The following TPTE2 variants were observed in gnomAD, a reference collection of about 807,000 sequenced individuals.
The protein encoded by TPTE2 is phosphatidylinositol 3,4,5-trisphosphate 3-phosphatase TPTE2.
A neutral mutation model predicts 78.6 loss-of-function variants in TPTE2; 53 were observed. The observed-to-expected ratio is 0.67, with a 90% CI of 0.54 to 0.85. TPTE2 has a LOEUF of 0.85. TPTE2 is among the 40% of genes least tolerant of loss of function. The probability of loss-of-function intolerance (pLI) is 0.00; values close to 1 mark genes in which losing one functional copy is unlikely to be tolerated. For synonymous variants in TPTE2, 175 were observed against 206.2 expected, an observed-to-expected ratio of 0.85 and a Z score of 1.30; for missense variants, 461 against 623.0, an observed-to-expected ratio of 0.74 and a Z score of 2.77.
intron 6 of TPTE2, among the ~76,000 whole-genome samples, chr13:19,471,324 T>C (rs1879602065): frequency 6.6e-6 from 1 of 152,210 alleles, no homozygotes; most frequent in Non-Finnish European, 1.5e-5. Context: ...TTGTTATTTG[T>C]TTTCTGGTTG....
intron 11 of TPTE2, 70 bp downstream of exon 14, chr13:19,451,094 CA>C (rs1424320785): frequency 2.6e-6 from 4 of 1,564,106 alleles, no homozygotes; most frequent in South Asian, 1.2e-5. Context: ...ATCTAAAAAG[CA>C]AAATCATCTT....
At chr13:19,498,532 C>G (rs898372464) in intron 1 of TPTE2, among the ~76,000 whole-genome samples, 2 of 151,828 alleles carry the variant, frequency 1.3e-5, no homozygotes, top group African/African-American at 2.4e-5. Flanking sequence ...CCCAGAATTT[C>G]ATATCCAGCC....
At chr13:19,478,728 C>T (rs923919542) in intron 4 of TPTE2, among the ~76,000 whole-genome samples, 2 of 152,052 alleles carry the variant, frequency 1.3e-5, no homozygotes, top group Non-Finnish European at 2.9e-5. Context: ...TATTGTGGCA[C>T]TATTCACAAT....
chr13:19,462,917 T>C (rs1879024523), intron 10 of TPTE2, among the ~76,000 whole-genome samples: 1 of 152,000 alleles, frequency 6.6e-6, no homozygotes, highest in Non-Finnish European at 1.5e-5. Flanking sequence ...GGGTTGAATC[T>C]ATTTGAGAAC....
At chr13:19,451,713 CAT>C (rs1484650024) in intron 10 of TPTE2, among the ~76,000 whole-genome samples, 3 of 151,684 alleles carry the variant, frequency 2.0e-5, no homozygotes, top group Admixed American at 6.6e-5. Context: ...AAAAGATAAA[CAT>C]ATCAAATTTT....
chr13:19,432,537 G>A (rs1291563657), exon 16 of TPTE2: 7 of 1,606,434 alleles, frequency 4.4e-6, no homozygotes, highest in Non-Finnish European at 5.9e-6. Flanking sequence ...GATTCCAGTT[G>A]TAGAGATGTT....
upstream of TPTE2, among the ~76,000 whole-genome samples, chr13:19,504,030 A>G (rs906026992): frequency 1.1e-4 from 17 of 151,944 alleles, no homozygotes; most frequent in African/African-American, 4.1e-4. Flanking sequence ...ATGAGCCACC[A>G]CGCCCGGCCT....
intron 3 of TPTE2, among the ~76,000 whole-genome samples, chr13:19,487,585 G>C: frequency 6.6e-6 from 1 of 152,104 alleles, no homozygotes; most frequent in Admixed American, 6.5e-5. Context: ...CTGGAAGTGT[G>C]GTGGTGGGGG....
intron 3 of TPTE2, among the ~76,000 whole-genome samples, 152 bp from the exon 7 acceptor site, chr13:19,482,699 A>C (rs914480755): frequency 6.6e-6 from 1 of 152,066 alleles, no homozygotes; most frequent in Admixed American, 6.6e-5. Flanking sequence ...ATATTTAAGA[A>C]AGAAAATTAC....
chr13:19,458,725 TTC>T (rs1446313832), intron 10 of TPTE2: 2 of 456,502 alleles, frequency 4.4e-6, no homozygotes, highest in Non-Finnish European at 8.8e-6. Context: ...CCATATTTAA[TTC>T]TCTCTTTCAT....
chr13:19,523,310 A>G (rs1870285419), intron 1 of TPTE2, among the ~76,000 whole-genome samples: 1 of 152,174 alleles, frequency 6.6e-6, no homozygotes, highest in South Asian at 2.1e-4. Context: ...TTCAGCTTAC[A>G]TTCTTGAATA....
At chr13:19,492,317 G>T (rs752542948) in intron 3 of TPTE2, among the ~76,000 whole-genome samples, 2 of 152,056 alleles carry the variant, frequency 1.3e-5, no homozygotes, top group African/African-American at 2.4e-5. Flanking sequence ...AGCTCTCGAG[G>T]GTGTGGGACA....
chr13:19,443,592 C>A (rs922132692), intron 13 of TPTE2, among the ~76,000 whole-genome samples: 7 of 151,944 alleles, frequency 4.6e-5, no homozygotes, highest in Non-Finnish European at 8.8e-5. Flanking sequence ...TTAGTAGAGA[C>A]AGGGTTTCAC....
At chr13:19,518,638 C>G (rs1249289722) in intron 1 of TPTE2, among the ~76,000 whole-genome samples, 1 of 152,150 alleles carries the variant, frequency 6.6e-6, no homozygotes, top group African/African-American at 2.4e-5. Context: ...AACTCTCATA[C>G]AATGCCAGGA....
intron 2 of TPTE2, 140 bp from the exon 6 acceptor site, chr13:19,493,043 T>TTCCTACTAAGC: frequency 2.5e-6 from 3 of 1,193,920 alleles, no homozygotes; most frequent in Non-Finnish European, 3.5e-6. Flanking sequence ...TACTGCTTAG[T>TTCCTACTAAGC]AGGAACTAAG....
chr13:19,443,515 C>T (rs1877623260), intron 13 of TPTE2, among the ~76,000 whole-genome samples: 1 of 150,880 alleles, frequency 6.6e-6, no homozygotes, highest in East Asian at 2.0e-4. Flanking sequence ...AAGTGATTCT[C>T]GTGCCTCAGC....
rs1246871310 is a variant in TPTE2, at chr13:19,497,219, G to C, written c.12-3718C>G. Among the ~76,000 whole-genome samples the C allele has an allele frequency of 8.1e-5, 12 of 148,992 alleles. No individual in the cohort carries two copies. In the South Asian group the frequency reaches 1.8e-3, roughly 22 times the overall value. Reference sequence around the variant, plus strand: ...AAACTGCAAGGCGGCAGCGAGGCTGGGGGAGGGGCGCCCGACATTGCCCAG... The same window carrying C: ...AAACTGCAAGGCGGCAGCGAGGCTGCGGGAGGGGCGCCCGACATTGCCCAG... On this transcript the variant is annotated intron_variant, in intron 1 of 19. Coordinates refer to ENST00000400230, the Ensembl canonical transcript of TPTE2.
intron 2 of TPTE2, 29 bp downstream of exon 5, chr13:19,493,419 G>T: frequency 1.2e-6 from 2 of 1,610,222 alleles, no homozygotes; most frequent in African/African-American, 1.3e-5. Context: ...ATGCTGACGG[G>T]TGACTTTATT....
chr13:19,536,930 T>G (rs1871247144), upstream of TPTE2, among the ~76,000 whole-genome samples: 1 of 150,756 alleles, frequency 6.6e-6, no homozygotes, highest in African/African-American at 2.4e-5. Flanking sequence ...AATATGAATA[T>G]GAAATAAATG....
Sources: gnomAD v4.1 joint callset for allele counts (sites outside exome capture counted in the v4.1 genomes callset) on GRCh38, gnomAD v4.1.1 for gene constraint, MANE v1.5 for transcripts, NCBI Gene and HGNC (gene_info 2026-07-23, HGNC 2026-07-21) for gene names.